ESRRG: variants seen among roughly 807,000 people sequenced by gnomAD.
ESRRG encodes the protein estrogen-related receptor gamma.
In ESRRG, 13 loss-of-function variants were observed where a neutral mutation model predicts 44.0. That is an observed-to-expected ratio of 0.30 (90% CI 0.19 to 0.47). ESRRG has a LOEUF of 0.47. Ranked by LOEUF, ESRRG falls within the 20% of genes least tolerant of loss-of-function variation. The pLI is 1.00. For missense variants in ESRRG, 395 were observed against 580.6 expected (o/e 0.68, Z 3.29); for synonymous variants, 215 against 214.6 (o/e 1.00, Z -0.02).
intron 2 of ESRRG, among the ~76,000 whole-genome samples, chr1:216,909,112 A>T (rs1490251054): frequency 6.6e-6 from 1 of 152,188 alleles, no homozygotes; most frequent in African/African-American, 2.4e-5. Flanking sequence ...ACATTTACAG[A>T]AAAGGAAAAT....
chr1:216,634,777 C>T (rs984736705), intron 3 of ESRRG, among the ~76,000 whole-genome samples: 3 of 152,072 alleles, frequency 2.0e-5, no homozygotes, highest in Non-Finnish European at 2.9e-5. Flanking sequence ...TGGGAGGATG[C>T]GTGTGGGTTG....
chr1:216,919,403 T>C (rs972338045), intron 2 of ESRRG, among the ~76,000 whole-genome samples: 1 of 152,144 alleles, frequency 6.6e-6, no homozygotes, highest in Non-Finnish European at 1.5e-5. Context: ...CTGAGAAACA[T>C]CATATTTCAA....
intron 1 of ESRRG, among the ~76,000 whole-genome samples, chr1:216,974,879 T>TA (rs1433911580): frequency 1.3e-5 from 2 of 151,906 alleles, no homozygotes; most frequent in Admixed American, 6.6e-5. Flanking sequence ...TTGTGCTTTT[T>TA]TTTTTTTTTA....
chr1:216,847,803 G>A (rs1276631920), intron 2 of ESRRG, among the ~76,000 whole-genome samples: 2 of 151,990 alleles, frequency 1.3e-5, no homozygotes, highest in African/African-American at 4.8e-5. Flanking sequence ...ACAGACATTG[G>A]GCATCTGGTT....
At chr1:216,806,905 G>C (rs1303465053) in intron 2 of ESRRG, among the ~76,000 whole-genome samples, 1 of 152,116 alleles carries the variant, frequency 6.6e-6, no homozygotes, top group Non-Finnish European at 1.5e-5. Context: ...ATATGGTAGA[G>C]ACAGAATGCA....
At chr1:216,804,098 G>A (rs2094709708) in intron 2 of ESRRG, among the ~76,000 whole-genome samples, 1 of 151,984 alleles carries the variant, frequency 6.6e-6, no homozygotes, top group Admixed American at 6.6e-5. Context: ...TACTTCCCTT[G>A]ATCTGTTTCT....
intron 6 of ESRRG, among the ~76,000 whole-genome samples, chr1:216,507,696 T>C (rs763743350): frequency 1.3e-5 from 2 of 152,212 alleles, no homozygotes; most frequent in Non-Finnish European, 2.9e-5. Flanking sequence ...TCTAGCACTA[T>C]ACAGAAATCA....
chr1:216,544,956 G>A (rs1190571335), intron 5 of ESRRG, among the ~76,000 whole-genome samples: 2 of 151,906 alleles, frequency 1.3e-5, no homozygotes, highest in Non-Finnish European at 2.9e-5. Context: ...ATGACAATAA[G>A]AATTGAATTA....
chr1:216,740,352 A>G lies in ESRRG; in HGVS notation c.-13-62861T>C, dbSNP rs9633503. On this transcript the variant is annotated intron_variant, in intron 2 of 7. Transcript: ENST00000359162. ...AAATAAAGGCATCTGCACCACAGAC[A>G]CATTTTCCTTTCAAAAGTCTTTGTT... Among the ~76,000 whole-genome samples the G allele has an allele frequency of 9.3e-3, 1,410 of 152,324 alleles. 59 individuals carry two copies. Among genetic ancestry groups the G allele is most frequent in the Admixed American group, 0.074 (1,127 of 15,282 alleles).
At chr1:216,986,818 A>G (rs2074957216) in intron 1 of ESRRG, among the ~76,000 whole-genome samples, 1 of 152,218 alleles carries the variant, frequency 6.6e-6, no homozygotes, top group South Asian at 2.1e-4. Flanking sequence ...CCCAGCTCAT[A>G]TATGAAAGAA....
At chr1:216,556,594 A>G (rs11572791) in intron 5 of ESRRG, among the ~76,000 whole-genome samples, 5,455 of 152,234 alleles carry the variant, frequency 0.036, 309 homozygotes, top group African/African-American at 0.12. Context: ...CACTGCCTTC[A>G]GAATAAAATT....
rs557201340 is a variant in ESRRG, at chr1:216,705,873, A to T, written c.56+17371T>A. Among the ~76,000 whole-genome samples the T allele has an allele frequency of 1.4e-4, 22 of 152,320 alleles. No homozygotes were observed. The South Asian group carries it at 4.3e-3, about 30-fold the overall frequency. On this transcript the variant is annotated intron_variant, in intron 1 of 6. Coordinates refer to ENST00000408911, the MANE Select transcript of ESRRG (RefSeq NM_001438.4). ...GAATGCAGCAGGTGGGGCAGATGGC[A>T]AGGCGCCCTGTCTGATGCTGCCTGC...
chr1:217,062,498 A>G (rs949999962), intron 1 of ESRRG, among the ~76,000 whole-genome samples: 1 of 152,194 alleles, frequency 6.6e-6, no homozygotes, highest in Non-Finnish European at 1.5e-5. Flanking sequence ...CAGCACTTCT[A>G]GAAAAGTCAA....
intron 2 of ESRRG, among the ~76,000 whole-genome samples, chr1:216,762,550 T>G: frequency 7.7e-6 from 1 of 130,374 alleles, no homozygotes. Context: ...CTCTGGGGAC[T>G]GTTGTGGGGT....
chr1:217,028,289 G>A (rs954143312), intron 1 of ESRRG, among the ~76,000 whole-genome samples: 3 of 152,200 alleles, frequency 2.0e-5, no homozygotes, highest in Non-Finnish European at 2.9e-5. Flanking sequence ...AACAACTAGA[G>A]TAGGTGTTGC....
At chr1:216,776,084 A>C (rs1434425432) in intron 2 of ESRRG, among the ~76,000 whole-genome samples, 1 of 152,050 alleles carries the variant, frequency 6.6e-6, no homozygotes, top group Non-Finnish European at 1.5e-5. Flanking sequence ...GTAAATCCCT[A>C]TAATAGCTCC....
At position 216,647,112 on chromosome 1, in the gene ESRRG, T is replaced by C. The variant is rs960803828; in HGVS notation, c.589+3861A>G. ...GCCTTTAAATAACCAAGGAGAGAGA[T>C]CAAAATAAAAATAAATCTTGACCAG... is the stretch of plus-strand genomic sequence containing the variant. On this transcript the variant is annotated intron_variant, in intron 3 of 6. Coordinates refer to ENST00000408911, the MANE Select transcript of ESRRG (RefSeq NM_001438.4). Among the ~76,000 whole-genome samples the C allele has an allele frequency of 2.0e-4, 31 of 152,058 alleles. 1 individual carries two copies. The East Asian group carries it at 3.3e-3, about 16-fold the overall frequency.
chr1:216,747,401 A>G (rs2091523931), intron 2 of ESRRG, among the ~76,000 whole-genome samples: 1 of 152,150 alleles, frequency 6.6e-6, no homozygotes, highest in Non-Finnish European at 1.5e-5. Flanking sequence ...TCCTCACAAT[A>G]TCATTCATAT....
intron 1 of ESRRG, among the ~76,000 whole-genome samples, chr1:217,006,682 T>C (rs927880916): frequency 6.6e-6 from 1 of 152,164 alleles, no homozygotes; most frequent in African/African-American, 2.4e-5. Flanking sequence ...ATACCTTATA[T>C]GCACGGCCTA....
Sources: gnomAD v4.1 joint callset for allele counts (sites outside exome capture counted in the v4.1 genomes callset) on GRCh38, gnomAD v4.1.1 for gene constraint, MANE v1.5 for transcripts, NCBI Gene and HGNC (gene_info 2026-07-23, HGNC 2026-07-21) for gene names.